SGCD: variants seen among roughly 807,000 people sequenced by gnomAD.
The protein encoded by SGCD is sarcoglycan delta.
In SGCD, 18 loss-of-function variants were observed where a neutral mutation model predicts 36.6. The ratio of observed to expected loss-of-function variants is 0.49; its 90% CI spans 0.34 to 0.73. The LOEUF (loss-of-function observed/expected upper bound fraction) is 0.73. SGCD is among the 30% of genes least tolerant of loss of function. The probability of loss-of-function intolerance (pLI) is 0.01; values close to 1 mark genes in which losing one functional copy is unlikely to be tolerated. For synonymous variants in SGCD, 133 were observed against 130.6 expected (o/e 1.02, Z -0.12); for missense variants, 387 against 346.7 (o/e 1.12, Z -0.92).
chr5:156,679,414 T>G (rs745982975), intron 7 of SGCD, among the ~76,000 whole-genome samples: 2 of 152,154 alleles, frequency 1.3e-5, no homozygotes, highest in African/African-American at 2.4e-5. Context: ...TAATGGAAAA[T>G]TCTGAGAAAT....
intron 6 of SGCD, among the ~76,000 whole-genome samples, chr5:156,635,759 A>G (rs1762803185): frequency 6.6e-6 from 1 of 152,074 alleles, no homozygotes; most frequent in Non-Finnish European, 1.5e-5. Context: ...GCTGGAAACC[A>G]TCATTCTCAG....
chr5:156,093,451 T>G (rs993348216), intron 1 of SGCD, among the ~76,000 whole-genome samples: 1 of 152,244 alleles, frequency 6.6e-6, no homozygotes, highest in Non-Finnish European at 1.5e-5. Flanking sequence ...TCATCTGGAT[T>G]TTTACCAGTA....
chr5:156,653,033 C>T (rs1335187498), intron 7 of SGCD, among the ~76,000 whole-genome samples: 2 of 151,962 alleles, frequency 1.3e-5, no homozygotes, highest in Non-Finnish European at 2.9e-5. Context: ...GTGTGTTCAT[C>T]AGGGATATTA....
intron 3 of SGCD, among the ~76,000 whole-genome samples, chr5:156,185,453 A>G (rs986048984): frequency 7.9e-5 from 12 of 151,882 alleles, no homozygotes; most frequent in Admixed American, 7.2e-4. Flanking sequence ...TGACCTTGTG[A>G]TCCGCCCGCC....
chr5:156,751,756 A>C (rs1263032695), intron 7 of SGCD, among the ~76,000 whole-genome samples: 1 of 152,246 alleles, frequency 6.6e-6, no homozygotes, highest in Non-Finnish European at 1.5e-5. Context: ...ATCCCATTTC[A>C]CAGTCATTTC....
chr5:156,523,055 A>G (rs942632453), intron 4 of SGCD, among the ~76,000 whole-genome samples: 1 of 152,174 alleles, frequency 6.6e-6, no homozygotes, highest in African/African-American at 2.4e-5. Flanking sequence ...CTAATTACCA[A>G]GACATATCTA....
chr5:156,078,494 C>T (rs1581084663), intron 1 of SGCD, among the ~76,000 whole-genome samples: 1 of 129,714 alleles, frequency 7.7e-6, no homozygotes, highest in Non-Finnish European at 1.6e-5. Context: ...GCCTGGGCAA[C>T]AAAGTAAGAC....
chr5:155,879,830 G>C (rs1034714056), intron 1 of SGCD, among the ~76,000 whole-genome samples: 2 of 152,072 alleles, frequency 1.3e-5, no homozygotes, highest in East Asian at 3.9e-4. Flanking sequence ...AGAAAATCGA[G>C]GCATGAAAAT....
At chr5:155,801,111 C>G in the SGCD span, among the ~76,000 whole-genome samples, 1 of 152,180 alleles carries the variant, frequency 6.6e-6, no homozygotes, top group Non-Finnish European at 1.5e-5. Flanking sequence ...TGATCCACCT[C>G]TCTGCCTTCT....
At chr5:156,622,506 C>A (rs1005821950) in intron 6 of SGCD, among the ~76,000 whole-genome samples, 1 of 148,656 alleles carries the variant, frequency 6.7e-6, no homozygotes, top group Non-Finnish European at 1.5e-5. Context: ...CATATCTTTT[C>A]TTCACCCCTT....
intron 1 of SGCD, among the ~76,000 whole-genome samples, chr5:155,982,556 C>A (rs1471260321): frequency 1.3e-5 from 2 of 152,162 alleles, no homozygotes; most frequent in Non-Finnish European, 2.9e-5. Context: ...CGCTGCCCTT[C>A]CTCAGCCAGC....
intron 3 of SGCD, among the ~76,000 whole-genome samples, chr5:156,298,735 T>TAA (rs1172419116): frequency 5.3e-5 from 8 of 152,066 alleles, no homozygotes; most frequent in African/African-American, 1.9e-4. Flanking sequence ...GTGGCCCATT[T>TAA]ATTAAGCATT....
chr5:156,092,601 G>A (rs1761271995), intron 1 of SGCD, among the ~76,000 whole-genome samples: 1 of 152,152 alleles, frequency 6.6e-6, no homozygotes, highest in Non-Finnish European at 1.5e-5. Flanking sequence ...CTACCCAAAT[G>A]CAATTACTTA....
At chr5:155,994,056 C>T (rs1234165667) in intron 1 of SGCD, among the ~76,000 whole-genome samples, 2 of 152,196 alleles carry the variant, frequency 1.3e-5, no homozygotes, top group Non-Finnish European at 2.9e-5. Context: ...CAGTATTTTA[C>T]TTATGCATCT....
intron 1 of SGCD, among the ~76,000 whole-genome samples, chr5:155,976,361 C>G (rs1001749953): frequency 6.6e-6 from 1 of 152,024 alleles, no homozygotes; most frequent in African/African-American, 2.4e-5. Context: ...AAAAGAGACA[C>G]AAAACAAAAA....
chr5:155,980,032 A>G (rs1213778301), intron 1 of SGCD, among the ~76,000 whole-genome samples: 1 of 152,170 alleles, frequency 6.6e-6, no homozygotes, highest in African/African-American at 2.4e-5. Flanking sequence ...AGAAGGGGAT[A>G]TAGAGACCAG....
chr5:155,993,740 T>A (rs1043427457), intron 1 of SGCD, among the ~76,000 whole-genome samples: 2 of 152,184 alleles, frequency 1.3e-5, no homozygotes, highest in African/African-American at 4.8e-5. Flanking sequence ...CCATGGACCC[T>A]CTATGTGGTT....
chr5:156,698,176 G>A (rs141364406), intron 7 of SGCD, among the ~76,000 whole-genome samples: 1 of 152,236 alleles, frequency 6.6e-6, no homozygotes, highest in African/African-American at 2.4e-5. Flanking sequence ...GGCAGTATGT[G>A]TAGGACAATT....
intron 7 of SGCD, among the ~76,000 whole-genome samples, chr5:156,681,200 A>C (rs1156935730): frequency 6.6e-6 from 1 of 152,174 alleles, no homozygotes; most frequent in Non-Finnish European, 1.5e-5. Flanking sequence ...AACTGTTTGA[A>C]AGGTATTGAA....
Sources: gnomAD v4.1 joint callset for allele counts (sites outside exome capture counted in the v4.1 genomes callset) on GRCh38, gnomAD v4.1.1 for gene constraint, MANE v1.5 for transcripts, NCBI Gene and HGNC (gene_info 2026-07-23, HGNC 2026-07-21) for gene names.